Variants in LHFPL3 observed in about 807,000 individuals in gnomAD.
LHFPL3 encodes LHFPL tetraspan subfamily member 3.
Under a neutral mutation model 19.3 loss-of-function variants are expected in LHFPL3, and 5 were observed. The observed-to-expected ratio is 0.26, with a 90% CI of 0.14 to 0.54. The LOEUF is 0.54. LHFPL3 is among the 20% of genes least tolerant of loss of function. The pLI is 0.94. For missense variants in LHFPL3, 249 were observed against 307.4 expected (o/e 0.81, Z 1.42); for synonymous variants, 133 against 126.2 (o/e 1.05, Z -0.36).
At chr7:104,459,246 T>A (rs1761325586) in intron 1 of LHFPL3, among the ~76,000 whole-genome samples, 1 of 152,246 alleles carries the variant, frequency 6.6e-6, no homozygotes, top group Non-Finnish European at 1.5e-5. Flanking sequence ...TATTTTCTGA[T>A]AAGTTTCTAA....
At chr7:104,862,327 T>G (rs1017242351) in intron 2 of LHFPL3, among the ~76,000 whole-genome samples, 1 of 152,108 alleles carries the variant, frequency 6.6e-6, no homozygotes, top group Non-Finnish European at 1.5e-5. Flanking sequence ...AGGAGTGGAC[T>G]TGAAAAGAAC....
chr7:104,615,798 A>C (rs1791323409), intron 1 of LHFPL3, among the ~76,000 whole-genome samples: 1 of 150,560 alleles, frequency 6.6e-6, no homozygotes, highest in Non-Finnish European at 1.5e-5. Context: ...TTCCTGTGTT[A>C]GTTTGCCGAA....
intron 2 of LHFPL3, among the ~76,000 whole-genome samples, chr7:104,786,857 C>G (rs912981647): frequency 4.6e-5 from 7 of 152,104 alleles, no homozygotes; most frequent in Non-Finnish European, 8.8e-5. Context: ...AATTTCATTA[C>G]TAAAAAATTA....
At chr7:104,565,759 C>G (rs944555485) in intron 1 of LHFPL3, among the ~76,000 whole-genome samples, 1 of 150,824 alleles carries the variant, frequency 6.6e-6, no homozygotes, top group African/African-American at 2.4e-5. Context: ...ATCTATCTAT[C>G]TATCTATCTA....
At chr7:104,614,657 T>TCTCCTCTCCTCTCCTC (rs756087377) in intron 1 of LHFPL3, among the ~76,000 whole-genome samples, 2 of 82,420 alleles carry the variant, frequency 2.4e-5, no homozygotes, top group African/African-American at 8.3e-5. Context: ...TCTTCTCTCC[T>TCTCCTCTCCTCTCCTC]TCCTTCCTTC....
chr7:104,728,247 G>A (rs1424592755), intron 1 of LHFPL3, among the ~76,000 whole-genome samples: 1 of 152,138 alleles, frequency 6.6e-6, no homozygotes, highest in Non-Finnish European at 1.5e-5. Flanking sequence ...AAGGAAGAAA[G>A]TAGGTGCCCA....
chr7:104,349,984 T>G (rs1029738968), intron 1 of LHFPL3, among the ~76,000 whole-genome samples: 1 of 152,190 alleles, frequency 6.6e-6, no homozygotes, highest in Admixed American at 6.5e-5. Context: ...TTATACCAAG[T>G]ACTATTCTGG....
intron 2 of LHFPL3, among the ~76,000 whole-genome samples, chr7:104,789,621 C>A (rs757261445): frequency 6.6e-6 from 1 of 152,094 alleles, no homozygotes; most frequent in Admixed American, 6.6e-5. Context: ...CCCCTCCCCC[C>A]AATTTTACAC....
In LHFPL3 at chr7:104,653,939, A is replaced by G. The variant is rs77136292; in HGVS notation, c.446-82736A>G. Reference sequence around the variant, plus strand: ...AGAACCAGGTGATGTTGCTTCCCTAAAGACAGCACTTTTTTGCCCACTACT... The same window carrying G: ...AGAACCAGGTGATGTTGCTTCCCTAGAGACAGCACTTTTTTGCCCACTACT... On this transcript the variant is annotated intron_variant, in intron 1 of 2. Transcript: ENST00000424859. Among the ~76,000 whole-genome samples, 670 of 152,230 alleles carry G rather than the reference A, an allele frequency of 4.4e-3. 36 individuals are homozygous for G. In the East Asian group the frequency reaches 0.11, roughly 24 times the overall value.
chr7:104,435,476 T>G (rs1181654784), intron 1 of LHFPL3, among the ~76,000 whole-genome samples: 2 of 151,206 alleles, frequency 1.3e-5, no homozygotes, highest in Non-Finnish European at 3.0e-5. Context: ...TTTTATAAAT[T>G]TTTTTATAAA....
At chr7:104,692,731 T>C (rs1453997625) in intron 1 of LHFPL3, among the ~76,000 whole-genome samples, 1 of 152,224 alleles carries the variant, frequency 6.6e-6, no homozygotes, top group South Asian at 2.1e-4. Flanking sequence ...TCAGAGGATG[T>C]ATGAAAATTC....
intron 1 of LHFPL3, among the ~76,000 whole-genome samples, chr7:104,469,148 A>G (rs1348525672): frequency 6.6e-6 from 1 of 152,080 alleles, no homozygotes; most frequent in Non-Finnish European, 1.5e-5. Context: ...AGTGAGTGCA[A>G]CTTCTCTGAT....
At chr7:104,790,552 T>C (rs1790005630) in intron 2 of LHFPL3, among the ~76,000 whole-genome samples, 1 of 152,206 alleles carries the variant, frequency 6.6e-6, no homozygotes, top group Admixed American at 6.5e-5. Flanking sequence ...ATAAACCACC[T>C]AGGTACAACA....
At chr7:104,875,332 A>G (rs544473332) in intron 2 of LHFPL3, among the ~76,000 whole-genome samples, 1 of 151,774 alleles carries the variant, frequency 6.6e-6, no homozygotes, top group East Asian at 1.9e-4. Flanking sequence ...CCCTGCACCC[A>G]CCTCCAAATC....
intron 1 of LHFPL3, among the ~76,000 whole-genome samples, chr7:104,466,627 A>G (rs1013683930): frequency 1.3e-5 from 2 of 152,208 alleles, no homozygotes; most frequent in Non-Finnish European, 2.9e-5. Flanking sequence ...CAATGTTTCT[A>G]TCAGTTATAA....
At chr7:104,477,283 G>T (rs571736423) in intron 1 of LHFPL3, among the ~76,000 whole-genome samples, 1 of 152,104 alleles carries the variant, frequency 6.6e-6, no homozygotes, top group Non-Finnish European at 1.5e-5. Flanking sequence ...GAGCCAGTGC[G>T]CCCAGCCCAA....
At chr7:104,342,411 A>G (rs1006270137) in intron 1 of LHFPL3, among the ~76,000 whole-genome samples, 12 of 152,322 alleles carry the variant, frequency 7.9e-5, no homozygotes, top group African/African-American at 2.9e-4. Flanking sequence ...AGCCATAGGC[A>G]AATAATGCTT....
intron 1 of LHFPL3, among the ~76,000 whole-genome samples, chr7:104,530,023 G>T (rs1794265685): frequency 6.6e-6 from 1 of 152,140 alleles, no homozygotes; most frequent in African/African-American, 2.4e-5. Context: ...AAGAATGGGG[G>T]CTATGTTGTA....
At chr7:104,798,850 G>A (rs1790186707) in intron 2 of LHFPL3, among the ~76,000 whole-genome samples, 1 of 151,970 alleles carries the variant, frequency 6.6e-6, no homozygotes, top group South Asian at 2.1e-4. Context: ...TTTTGCTTCT[G>A]TTTTTTTGGA....
Sources: gnomAD v4.1 joint callset for allele counts (sites outside exome capture counted in the v4.1 genomes callset) on GRCh38, gnomAD v4.1.1 for gene constraint, MANE v1.5 for transcripts, NCBI Gene and HGNC (gene_info 2026-07-23, HGNC 2026-07-21) for gene names.